Variants in ENOX2 observed in about 807,000 individuals in gnomAD.
The protein encoded by ENOX2 is APK1 antigen.
Under a neutral mutation model 45.0 loss-of-function variants are expected in ENOX2, and 36 were observed. That is an observed-to-expected ratio of 0.80 (90% CI 0.61 to 1.06). The LOEUF is 1.06. ENOX2 is among the 50% of genes least tolerant of loss of function. The pLI, the probability that ENOX2 is intolerant of heterozygous loss-of-function variation, is 0.00. For synonymous variants in ENOX2, 174 were observed against 152.3 expected (o/e 1.14, Z -1.05); for missense variants, 423 against 462.5 (o/e 0.91, Z 0.78).
At chrX:130,817,603 G>A (rs138252942) in intron 2 of ENOX2, among the ~76,000 whole-genome samples, 2,521 of 112,065 alleles carry the variant, frequency 0.022, 63 homozygotes, top group African/African-American at 0.076. Flanking sequence ...GGGATGCAAG[G>A]CTGATTCAAT....
At chrX:130,657,675 TCCAA>T (rs1451741971) in intron 9 of ENOX2, among the ~76,000 whole-genome samples, 2 of 112,390 alleles carry the variant, frequency 1.8e-5, no homozygotes, top group Admixed American at 9.4e-5. Flanking sequence ...CCAGCTTGAA[TCCAA>T]CTAAGTAAAT....
At chrX:130,657,665 C>T (rs1200897570) in intron 9 of ENOX2, among the ~76,000 whole-genome samples, 2 of 112,408 alleles carry the variant, frequency 1.8e-5, no homozygotes, top group Non-Finnish European at 3.8e-5. Context: ...GATAGAATTC[C>T]CAGCTTGAAT....
intron 3 of ENOX2, among the ~76,000 whole-genome samples, chrX:130,724,718 G>C (rs1464807049): frequency 2.7e-5 from 3 of 111,851 alleles, no homozygotes; most frequent in Admixed American, 1.9e-4. Flanking sequence ...CTGCTAAGTT[G>C]CATCAGTTTC....
chrX:130,658,395 G>A (rs957785609), intron 9 of ENOX2, among the ~76,000 whole-genome samples: 2 of 111,823 alleles, frequency 1.8e-5, no homozygotes, highest in African/African-American at 6.5e-5. Context: ...GGGACCTTGT[G>A]AGATTACAAA....
At chrX:130,671,189 T>C (rs977841520) in intron 6 of ENOX2, among the ~76,000 whole-genome samples, 2 of 112,019 alleles carry the variant, frequency 1.8e-5, no homozygotes, top group East Asian at 2.8e-4. Flanking sequence ...ATACCCAACA[T>C]AGACTTTTGC....
chrX:130,809,501 C>A (rs780360127), intron 2 of ENOX2, among the ~76,000 whole-genome samples: 4 of 111,602 alleles, frequency 3.6e-5, no homozygotes, highest in Non-Finnish European at 7.5e-5. Context: ...AGCATATGTC[C>A]AAGATCGATG....
chrX:130,697,092 A>G (rs1474679313), intron 4 of ENOX2, among the ~76,000 whole-genome samples: 2 of 111,590 alleles, frequency 1.8e-5, no homozygotes, highest in Non-Finnish European at 3.8e-5. Context: ...GAATGAGGTG[A>G]TGTAACTCAA....
chrX:130,803,605 G>A (rs1392375603), intron 2 of ENOX2, among the ~76,000 whole-genome samples: 3 of 112,063 alleles, frequency 2.7e-5, no homozygotes, highest in African/African-American at 9.7e-5. Flanking sequence ...ATGGAACACA[G>A]CCCAGTCATC....
intron 3 of ENOX2, among the ~76,000 whole-genome samples, chrX:130,728,474 G>A (rs1603330339): frequency 9.0e-6 from 1 of 111,647 alleles, no homozygotes; most frequent in Non-Finnish European, 1.9e-5. Context: ...TGTCCTGCAA[G>A]ATATGGATCT....
rs151021068 is a variant in ENOX2 at position 130,719,692 on chromosome X, G to C, written c.-38-16438C>G. 2.1e-3 allele frequency among the ~76,000 whole-genome samples: 240 copies of C among 111,782 alleles called. 1 individual carries two copies. The highest frequency in any genetic ancestry group is 3.8e-3 in the Non-Finnish European group (204 of 53,194). On this transcript the variant is annotated intron_variant, in intron 3 of 14. Coordinates refer to ENST00000394363, the MANE Select transcript of ENOX2 (RefSeq NM_006375.4). ...ACACCAGCCAAAGGGGTTAATGGAAGAGGCAAGAGCTTTTATACAAATGCA... is the reference window on the plus strand; with the variant it reads ...ACACCAGCCAAAGGGGTTAATGGAACAGGCAAGAGCTTTTATACAAATGCA...
At chrX:130,707,507 TACACACAC>T (rs10536173) in intron 3 of ENOX2, among the ~76,000 whole-genome samples, 15 of 97,387 alleles carry the variant, frequency 1.5e-4, no homozygotes, top group South Asian at 5.3e-4. Context: ...TTTTGAAGAC[TACACACAC>T]ACACACACAC....
intron 9 of ENOX2, among the ~76,000 whole-genome samples, chrX:130,664,930 A>G (rs770312470): frequency 8.9e-6 from 1 of 112,623 alleles, no homozygotes; most frequent in East Asian, 2.8e-4. Context: ...TGCATATATA[A>G]ATTGAAAATA....
At chrX:130,735,333 G>C (rs2038835145) in intron 3 of ENOX2, among the ~76,000 whole-genome samples, 2 of 112,052 alleles carry the variant, frequency 1.8e-5, no homozygotes, top group African/African-American at 6.5e-5. Flanking sequence ...CTAAAGCAGT[G>C]CTTTGTCTTC....
At chrX:130,694,536 G>A (rs1303036797) in intron 4 of ENOX2, among the ~76,000 whole-genome samples, 1 of 109,907 alleles carries the variant, frequency 9.1e-6, no homozygotes, top group East Asian at 2.8e-4. Context: ...GACATCACAC[G>A]TGCCTATTTT....
chrX:130,694,849 T>C (rs1313350276), intron 4 of ENOX2, among the ~76,000 whole-genome samples: 1 of 110,805 alleles, frequency 9.0e-6, no homozygotes, highest in Non-Finnish European at 1.9e-5. Context: ...GCTATCTTCT[T>C]GCTGTAAAAT....
intron 4 of ENOX2, among the ~76,000 whole-genome samples, chrX:130,698,673 C>G (rs1255089066): frequency 9.0e-6 from 1 of 111,648 alleles, no homozygotes; most frequent in Non-Finnish European, 1.9e-5. Context: ...GAAGTCCAGG[C>G]CTTCCTGAGG....
At chrX:130,819,306 AG>A (rs2077549656) in intron 2 of ENOX2, among the ~76,000 whole-genome samples, 1 of 112,092 alleles carries the variant, frequency 8.9e-6, no homozygotes. Context: ...CTATTGTGGA[AG>A]ACAGTGTGGC....
At chrX:130,626,595 C>A (rs892822556) in intron 14 of ENOX2, among the ~76,000 whole-genome samples, 2 of 112,164 alleles carry the variant, frequency 1.8e-5, no homozygotes, top group African/African-American at 6.5e-5. Context: ...AATACCATTG[C>A]AATGGACTAC....
At chrX:130,733,089 T>C (rs1285386314) in intron 3 of ENOX2, among the ~76,000 whole-genome samples, 1 of 111,990 alleles carries the variant, frequency 8.9e-6, no homozygotes, top group African/African-American at 3.2e-5. Context: ...AGTCAACCTA[T>C]GGAATAGGAT....
Sources: gnomAD v4.1 joint callset for allele counts (sites outside exome capture counted in the v4.1 genomes callset) on GRCh38, gnomAD v4.1.1 for gene constraint, MANE v1.5 for transcripts, NCBI Gene and HGNC (gene_info 2026-07-23, HGNC 2026-07-21) for gene names.